Variants in KCND2 observed in about 807,000 individuals in gnomAD.
KCND2 encodes the protein potassium voltage-gated channel subfamily D member 2.
In KCND2, 16 loss-of-function variants were observed where a neutral mutation model predicts 54.4. The ratio of observed to expected loss-of-function variants is 0.29; its 90% confidence interval spans 0.20 to 0.45. KCND2 has a LOEUF of 0.45. Among genes scored for constraint, KCND2 ranks in the 20% least tolerant of loss-of-function variants. The pLI, the probability that KCND2 is intolerant of heterozygous loss-of-function variation, is 1.00. For synonymous variants in KCND2, 317 were observed against 310.7 expected (o/e 1.02, Z -0.21); for missense variants, 486 against 824.2 (o/e 0.59, Z 5.02).
intron 1 of KCND2, among the ~76,000 whole-genome samples, chr7:120,532,424 A>T (rs1223714093): frequency 6.6e-6 from 1 of 151,864 alleles, no homozygotes; most frequent in African/African-American, 2.4e-5. Context: ...ATCCTAATAT[A>T]ATTGCTAGTA....
At chr7:120,737,057 C>G (rs1255846075) in intron 2 of KCND2, among the ~76,000 whole-genome samples, 1 of 144,120 alleles carries the variant, frequency 6.9e-6, no homozygotes, top group Admixed American at 6.9e-5. Flanking sequence ...CACACACACA[C>G]ACACACACAC....
chr7:120,403,596 C>T (rs1175560384), intron 1 of KCND2, among the ~76,000 whole-genome samples: 1 of 150,962 alleles, frequency 6.6e-6, no homozygotes, highest in Non-Finnish European at 1.5e-5. Flanking sequence ...TCCCAAAGTA[C>T]TGGGATTACT....
At chr7:120,316,508 G>A (rs575110997) in intron 1 of KCND2, among the ~76,000 whole-genome samples, 4 of 152,260 alleles carry the variant, frequency 2.6e-5, no homozygotes, top group Admixed American at 6.5e-5. Flanking sequence ...AGCATCACAC[G>A]TGTAGGAAGT....
chr7:120,514,410 G>A (rs1359533377), intron 1 of KCND2, among the ~76,000 whole-genome samples: 2 of 152,100 alleles, frequency 1.3e-5, no homozygotes, highest in African/African-American at 4.8e-5. Context: ...AATTGCAAAT[G>A]TCTGCATACA....
intron 1 of KCND2, among the ~76,000 whole-genome samples, chr7:120,589,719 ATCT>A (rs972147165): frequency 5.9e-4 from 90 of 152,306 alleles, no homozygotes; most frequent in African/African-American, 1.9e-3. Flanking sequence ...AAGAACAGAA[ATCT>A]TCTTTCTATA....
chr7:120,431,352 A>G (rs2116164930), intron 1 of KCND2, among the ~76,000 whole-genome samples: 1 of 152,300 alleles, frequency 6.6e-6, no homozygotes, highest in East Asian at 1.9e-4. Flanking sequence ...GTGGAAAAAG[A>G]AAGGGAAAAC....
intron 1 of KCND2, among the ~76,000 whole-genome samples, chr7:120,590,742 A>G (rs1001270848): frequency 7.9e-5 from 12 of 152,148 alleles, no homozygotes; most frequent in Admixed American, 6.5e-4. Flanking sequence ...AGAAAATTAT[A>G]TATATATAGC....
At chr7:120,584,384 C>T (rs929720661) in intron 1 of KCND2, among the ~76,000 whole-genome samples, 3 of 152,200 alleles carry the variant, frequency 2.0e-5, no homozygotes, top group African/African-American at 7.2e-5. Flanking sequence ...TTGCTGCTAT[C>T]CCTGCTGTTA....
chr7:120,288,222 C>T (rs1318140428), intron 1 of KCND2, among the ~76,000 whole-genome samples: 2 of 152,058 alleles, frequency 1.3e-5, no homozygotes, highest in African/African-American at 2.4e-5. Context: ...AGATAAAAGC[C>T]TCTGAACAAA....
At chr7:120,728,444 A>T (rs1168505004) in intron 1 of KCND2, among the ~76,000 whole-genome samples, 2 of 151,756 alleles carry the variant, frequency 1.3e-5, no homozygotes, top group South Asian at 4.2e-4. Context: ...GGCATGTGCC[A>T]CCACACCCGG....
chr7:120,358,340 G>T (rs540529424), intron 1 of KCND2, among the ~76,000 whole-genome samples: 24 of 152,024 alleles, frequency 1.6e-4, no homozygotes, highest in Non-Finnish European at 3.2e-4. Flanking sequence ...GTCTAACAGA[G>T]ATTTAGGGGT....
intron 1 of KCND2, among the ~76,000 whole-genome samples, chr7:120,647,915 T>C (rs1793462483): frequency 6.6e-6 from 1 of 152,204 alleles, no homozygotes. Flanking sequence ...TGCATATAGA[T>C]ATAGATATTT....
At chr7:120,346,226 GATA>G (rs1800313735) in intron 1 of KCND2, among the ~76,000 whole-genome samples, 1 of 151,984 alleles carries the variant, frequency 6.6e-6, no homozygotes, top group Non-Finnish European at 1.5e-5. Context: ...ATATATCCTG[GATA>G]TTAACCCCTT....
At chr7:120,420,751 A>G (rs1046721326) in intron 1 of KCND2, among the ~76,000 whole-genome samples, 1 of 152,144 alleles carries the variant, frequency 6.6e-6, no homozygotes, top group Non-Finnish European at 1.5e-5. Context: ...GAAAAAAATT[A>G]ATTCAAACTT....
Position 120,427,012 on chromosome 7 carries a change from A to G in KCND2, c.1115+151265A>G, listed in dbSNP as rs534310047. On this transcript the variant is annotated intron_variant, in intron 1 of 5. Transcript: ENST00000331113. ...CTAAAGGAAATGTCTTCATTGTCAAATGCACCTGATGAATACAGAAAAATC... is the reference window on the plus strand; with the variant it reads ...CTAAAGGAAATGTCTTCATTGTCAAGTGCACCTGATGAATACAGAAAAATC... Among the ~76,000 whole-genome samples, 17 of 152,324 alleles carry G rather than the reference A, an allele frequency of 1.1e-4. No homozygotes were observed. In the South Asian group the frequency reaches 3.3e-3, roughly 30 times the overall value.
At chr7:120,685,164 A>G (rs985012767) in intron 1 of KCND2, among the ~76,000 whole-genome samples, 1 of 152,198 alleles carries the variant, frequency 6.6e-6, no homozygotes, top group Non-Finnish European at 1.5e-5. Context: ...GCTCAGAAGT[A>G]GCAACATAGA....
intron 1 of KCND2, among the ~76,000 whole-genome samples, chr7:120,489,175 A>G (rs1802735530): frequency 6.6e-6 from 1 of 152,114 alleles, no homozygotes. Context: ...TAGAACATGT[A>G]GCATACATGG....
intron 1 of KCND2, among the ~76,000 whole-genome samples, chr7:120,318,898 A>G (rs1799853649): frequency 6.6e-6 from 1 of 152,058 alleles, no homozygotes; most frequent in African/African-American, 2.4e-5. Flanking sequence ...TAGGAAGATT[A>G]AACATAGCAA....
At chr7:120,448,078 G>A (rs941388476) in intron 1 of KCND2, among the ~76,000 whole-genome samples, 2 of 152,068 alleles carry the variant, frequency 1.3e-5, no homozygotes, top group Non-Finnish European at 2.9e-5. Context: ...TGTGCACAAC[G>A]TGCAGGTTGG....
Sources: allele counts gnomAD v4.1 joint callset (sites outside exome capture counted in the v4.1 genomes callset), GRCh38; gene constraint gnomAD v4.1.1; transcripts MANE v1.5; gene names NCBI Gene and HGNC (gene_info 2026-07-23, HGNC 2026-07-21).